The following ROBO2 variants were observed in gnomAD, a reference collection of about 807,000 sequenced individuals.
The protein encoded by ROBO2 is roundabout guidance receptor 2.
A neutral mutation model predicts 160.8 loss-of-function variants in ROBO2; 53 were observed. The observed-to-expected ratio is 0.33, with a 90% CI of 0.26 to 0.41. The LOEUF (loss-of-function observed/expected upper bound fraction) is 0.41. Among genes scored for constraint, ROBO2 ranks in the 10% least tolerant of loss-of-function variants. The probability of loss-of-function intolerance (pLI) is 1.00; values close to 1 mark genes in which losing one functional copy is unlikely to be tolerated. For missense variants in ROBO2, 1,577 were observed against 1,722.4 expected (o/e 0.92, Z 1.49); for synonymous variants, 664 against 611.7 (o/e 1.09, Z -1.26).
intron 2 of ROBO2, among the ~76,000 whole-genome samples, chr3:76,308,991 C>T (rs746950934): frequency 7.2e-5 from 11 of 152,174 alleles, no homozygotes; most frequent in Non-Finnish European, 1.3e-4. Context: ...TCTATCCACA[C>T]ACTTTTATTA....
chr3:77,399,643 A>T (rs1417856532), intron 2 of ROBO2, among the ~76,000 whole-genome samples: 1 of 152,176 alleles, frequency 6.6e-6, no homozygotes, highest in East Asian at 1.9e-4. Context: ...TTAATTGGTC[A>T]TGATAAGGAC....
chr3:76,912,933 A>G lies in ROBO2; in HGVS notation c.110-185081A>G, dbSNP rs376560377. ...CCAGAACCTAGTGAGCTAAGATTACATTCTTTGTACAGAGGGAGTTTAAAA... is the reference window on the plus strand; with the variant it reads ...CCAGAACCTAGTGAGCTAAGATTACGTTCTTTGTACAGAGGGAGTTTAAAA... On this transcript the variant is annotated intron_variant, in intron 2 of 26. Transcript: ENST00000487694. Among the ~76,000 whole-genome samples, 46 of 152,210 alleles carry G rather than the reference A, an allele frequency of 3.0e-4. No individual in the cohort carries two copies. The East Asian group carries it at 3.7e-3, about 12-fold the overall frequency.
chr3:77,613,378 T>C (rs2094694621), intron 21 of ROBO2, among the ~76,000 whole-genome samples: 1 of 152,190 alleles, frequency 6.6e-6, no homozygotes, highest in East Asian at 1.9e-4. Context: ...TTTTCCAAGG[T>C]ATGATATCCT....
intron 2 of ROBO2, among the ~76,000 whole-genome samples, chr3:77,136,040 T>C (rs2076250556): frequency 6.6e-6 from 1 of 152,200 alleles, no homozygotes; most frequent in South Asian, 2.1e-4. Context: ...GCACAGTACA[T>C]AGAGTAGCAA....
intron 2 of ROBO2, among the ~76,000 whole-genome samples, chr3:77,389,053 TC>T (rs1424591954): frequency 6.6e-6 from 1 of 152,192 alleles, no homozygotes; most frequent in African/African-American, 2.4e-5. Flanking sequence ...CAAGCGATTC[TC>T]CTGCCTCAGC....
At chr3:76,297,706 T>TA (rs71277576) in intron 2 of ROBO2, among the ~76,000 whole-genome samples, 10,172 of 56,476 alleles carry the variant, frequency 0.18, 1,239 homozygotes, top group Non-Finnish European at 0.21. Flanking sequence ...CTGCTTTCCT[T>TA]AAAAAAAAAA....
chr3:77,138,992 G>A (rs2150408597), intron 2 of ROBO2, among the ~76,000 whole-genome samples: 1 of 152,190 alleles, frequency 6.6e-6, no homozygotes, highest in East Asian at 1.9e-4. Context: ...CAACCGCGCT[G>A]TTTTTAAAAG....
chr3:76,931,550 G>GACAC (rs148001909), intron 2 of ROBO2, among the ~76,000 whole-genome samples: 8,688 of 150,670 alleles, frequency 0.058, 529 homozygotes, highest in African/African-American at 0.15. Flanking sequence ...TGCTTTATAA[G>GACAC]ACACATACAC....
intron 2 of ROBO2, among the ~76,000 whole-genome samples, chr3:76,003,606 A>T (rs576772770): frequency 6.6e-6 from 1 of 152,254 alleles, no homozygotes; most frequent in Non-Finnish European, 1.5e-5. Context: ...TTTCATGTGT[A>T]TGAGCTCCAC....
At chr3:77,397,117 T>C (rs1449750449) in intron 2 of ROBO2, among the ~76,000 whole-genome samples, 2 of 152,150 alleles carry the variant, frequency 1.3e-5, no homozygotes, top group African/African-American at 4.8e-5. Flanking sequence ...AGTGTTATTG[T>C]AGAAATAAGT....
chr3:76,210,713 T>C (rs979462397), intron 2 of ROBO2, among the ~76,000 whole-genome samples: 1 of 152,130 alleles, frequency 6.6e-6, no homozygotes, highest in African/African-American at 2.4e-5. Flanking sequence ...CAGTAGGCTG[T>C]GTGATTAATG....
At chr3:76,344,533 G>T (rs571127461) in intron 2 of ROBO2, among the ~76,000 whole-genome samples, 2 of 152,194 alleles carry the variant, frequency 1.3e-5, no homozygotes, top group East Asian at 3.9e-4. Flanking sequence ...CTCAGAAGTC[G>T]GGATAGGAGT....
chr3:76,368,485 A>G (rs927206407), intron 2 of ROBO2, among the ~76,000 whole-genome samples: 7 of 151,894 alleles, frequency 4.6e-5, no homozygotes, highest in Non-Finnish European at 8.8e-5. Context: ...TTTACTCACA[A>G]ACTTAATGCC....
intron 2 of ROBO2, among the ~76,000 whole-genome samples, chr3:77,362,063 G>A (rs2070096218): frequency 1.3e-5 from 2 of 152,080 alleles, no homozygotes; most frequent in African/African-American, 4.8e-5. Context: ...TACAATAATG[G>A]GGAAGGATGA....
intron 6 of ROBO2, among the ~76,000 whole-genome samples, chr3:77,536,125 C>T (rs2092079966): frequency 6.6e-6 from 1 of 152,132 alleles, no homozygotes; most frequent in Non-Finnish European, 1.5e-5. Context: ...CTGGCAAACT[C>T]GAACTATGAG....
intron 22 of ROBO2, among the ~76,000 whole-genome samples, chr3:77,619,505 T>A (rs1219131445): frequency 6.6e-6 from 1 of 152,132 alleles, no homozygotes; most frequent in Non-Finnish European, 1.5e-5. Flanking sequence ...GTCCTCTCAG[T>A]GGAATCATAG....
intron 2 of ROBO2, among the ~76,000 whole-genome samples, chr3:76,636,402 T>C (rs2090335123): frequency 6.6e-6 from 1 of 152,154 alleles, no homozygotes; most frequent in Non-Finnish European, 1.5e-5. Context: ...AATTAGACAA[T>C]GTCATGGGTT....
chr3:76,677,667 A>G (rs1441220965), intron 2 of ROBO2, among the ~76,000 whole-genome samples: 1 of 152,120 alleles, frequency 6.6e-6, no homozygotes, highest in African/African-American at 2.4e-5. Flanking sequence ...TAGGGGTCAC[A>G]ATATTTTGCC....
At chr3:75,977,821 TGTG>T (rs1201337573) in intron 2 of ROBO2, among the ~76,000 whole-genome samples, 3 of 151,554 alleles carry the variant, frequency 2.0e-5, no homozygotes, top group Admixed American at 1.3e-4. Flanking sequence ...ATTTACAACT[TGTG>T]GTATTTTGGG....
Sources: allele counts gnomAD v4.1 joint callset (sites outside exome capture counted in the v4.1 genomes callset), GRCh38; gene constraint gnomAD v4.1.1; transcripts MANE v1.5; gene names NCBI Gene and HGNC (gene_info 2026-07-23, HGNC 2026-07-21).